The following SYT14 variants were observed in gnomAD, a reference collection of about 807,000 sequenced individuals.
SYT14 encodes synaptotagmin-14.
Under a neutral mutation model 74.2 loss-of-function variants are expected in SYT14, and 32 were observed. That is an observed-to-expected ratio of 0.43 (90% CI 0.33 to 0.58). The LOEUF (loss-of-function observed/expected upper bound fraction) is 0.58, where lower values mean the gene tolerates loss of function less well. SYT14 is among the 20% of genes least tolerant of loss of function. The pLI, the probability that SYT14 is intolerant of heterozygous loss-of-function variation, is 0.05. For synonymous variants in SYT14, 298 were observed against 337.7 expected (o/e 0.88, Z 1.29); for missense variants, 791 against 981.8 (o/e 0.81, Z 2.60).
intron 7 of SYT14, among the ~76,000 whole-genome samples, chr1:210,108,476 GT>G (rs2082199171): frequency 6.6e-6 from 1 of 152,184 alleles, no homozygotes; most frequent in Non-Finnish European, 1.5e-5. Context: ...CCAAACGAGA[GT>G]GGCAGTCATT....
At chr1:209,946,840 A>C (rs1210774606) in intron 1 of SYT14, among the ~76,000 whole-genome samples, 1 of 152,216 alleles carries the variant, frequency 6.6e-6, no homozygotes, top group Non-Finnish European at 1.5e-5. Flanking sequence ...TCAAAGCTTC[A>C]AAGGACAGGC....
rs536305915 is a variant in SYT14, at chr1:210,019,186, G to T, written c.1097-1853G>T. ...AGGGTTTTCTTCTTTATTTCTAAATGTAGGTTATGTTAGGTAATGTTTTTT... is the reference window on the plus strand; with the variant it reads ...AGGGTTTTCTTCTTTATTTCTAAATTTAGGTTATGTTAGGTAATGTTTTTT... On this transcript the variant is annotated intron_variant, in intron 4 of 9. Coordinates refer to ENST00000637265, the Ensembl canonical transcript of SYT14. Among the ~76,000 whole-genome samples, 3 of 144,744 alleles carry T rather than the reference G, an allele frequency of 2.1e-5. No homozygotes were observed. The Admixed American group carries it at 2.1e-4, about 10-fold the overall frequency. The allele number at this position is 144,744 out of a possible 152,430, so 95.0% of individuals were successfully genotyped here.
At chr1:210,041,538 A>G (rs1053003757) in intron 5 of SYT14, among the ~76,000 whole-genome samples, 2 of 152,206 alleles carry the variant, frequency 1.3e-5, no homozygotes, top group African/African-American at 2.4e-5. Context: ...CTTAATATTA[A>G]TAACTGTTAC....
intron 2 of SYT14, chr1:209,966,031 C>T (rs948524728): frequency 7.2e-6 from 3 of 418,240 alleles, no homozygotes; most frequent in Non-Finnish European, 1.4e-5. Flanking sequence ...CCCACCACAC[C>T]CAGCTAATTT....
intron 2 of SYT14, among the ~76,000 whole-genome samples, chr1:209,994,504 A>G (rs1452615621): frequency 3.3e-5 from 5 of 152,310 alleles, no homozygotes; most frequent in African/African-American, 1.2e-4. Context: ...AAAGTGATTA[A>G]ATCTAAGACT....
At chr1:210,129,946 T>C (rs1416937403) in intron 7 of SYT14, among the ~76,000 whole-genome samples, 3 of 152,198 alleles carry the variant, frequency 2.0e-5, no homozygotes, top group African/African-American at 7.2e-5. Context: ...CAAAACTGCA[T>C]CAATTGTCAT....
intron 5 of SYT14, among the ~76,000 whole-genome samples, chr1:210,032,635 C>G (rs2080565341): frequency 7.0e-6 from 1 of 141,906 alleles, no homozygotes; most frequent in Non-Finnish European, 1.5e-5. Flanking sequence ...ATTAAAGTGA[C>G]TCTGACTCTA....
intron 2 of SYT14, among the ~76,000 whole-genome samples, chr1:209,977,812 G>T (rs1381924385): frequency 6.6e-6 from 1 of 152,126 alleles, no homozygotes; most frequent in African/African-American, 2.4e-5. Context: ...TTCCAACTTG[G>T]TTCCATTCTC....
intron 7 of SYT14, among the ~76,000 whole-genome samples, chr1:210,118,086 T>C (rs1202806815): frequency 6.6e-6 from 1 of 152,204 alleles, no homozygotes; most frequent in Non-Finnish European, 1.5e-5. Flanking sequence ...ATACCAACTT[T>C]AGTTGTTTGT....
intron 1 of SYT14, among the ~76,000 whole-genome samples, chr1:209,951,738 C>A (rs1343690584): frequency 1.3e-5 from 2 of 151,958 alleles, no homozygotes; most frequent in Non-Finnish European, 2.9e-5. Flanking sequence ...GAAATTTATG[C>A]ATATGTATGC....
intron 1 of SYT14, among the ~76,000 whole-genome samples, chr1:209,944,249 T>C (rs566846439): frequency 6.6e-6 from 1 of 152,348 alleles, no homozygotes; most frequent in East Asian, 1.9e-4. Context: ...GTAGAATTTT[T>C]TGTGAGCACA....
chr1:210,143,645 G>A (rs1347129832), intron 7 of SYT14, among the ~76,000 whole-genome samples: 2 of 152,144 alleles, frequency 1.3e-5, no homozygotes, highest in Non-Finnish European at 2.9e-5. Flanking sequence ...AAAATATTTT[G>A]GAGAAACTGG....
At chr1:210,125,314 AT>A (rs1572345013) in intron 7 of SYT14, among the ~76,000 whole-genome samples, 1 of 146,062 alleles carries the variant, frequency 6.8e-6, no homozygotes. Context: ...TATGGATTTG[AT>A]TTTCTGTTTC....
chr1:210,044,758 G>T (rs2080854517), intron 5 of SYT14, among the ~76,000 whole-genome samples: 1 of 152,140 alleles, frequency 6.6e-6, no homozygotes, highest in Non-Finnish European at 1.5e-5. Context: ...AAGTTCAATT[G>T]GCTTACAGCT....
At chr1:210,158,996 A>G (rs896840214) in intron 8 of SYT14, among the ~76,000 whole-genome samples, 2 of 152,096 alleles carry the variant, frequency 1.3e-5, no homozygotes, top group African/African-American at 2.4e-5. Context: ...TAATTTGTAT[A>G]TATTGGGAAT....
chr1:209,938,652 C>CG (rs1184763233), intron 1 of SYT14, among the ~76,000 whole-genome samples: 1 of 152,088 alleles, frequency 6.6e-6, no homozygotes, highest in Non-Finnish European at 1.5e-5. Context: ...CGAGGGGCCA[C>CG]GGGGGGCTCA....
At position 210,065,541 on chromosome 1, in the gene SYT14, CT is replaced by C. The variant is rs199860631; in HGVS notation, c.1313-28771del. On this transcript the variant is annotated intron_variant, in intron 5 of 9. Transcript: ENST00000637265. ...ATAAATTACCCAGTCTCAGGTATGT[CT>C]TTTTTTTTTAAGTTTTATTTAAATT... is the stretch of plus-strand genomic sequence containing the variant. Among the ~76,000 whole-genome samples the C allele has an allele frequency of 1.3e-3, 190 of 146,890 alleles. 2 individuals are homozygous for C. Among genetic ancestry groups the C allele is most frequent in the East Asian group, 5.4e-3 (27 of 5,000 alleles).
intron 8 of SYT14, among the ~76,000 whole-genome samples, chr1:210,158,266 G>C (rs1219025157): frequency 6.6e-6 from 1 of 152,146 alleles, no homozygotes; most frequent in Non-Finnish European, 1.5e-5. Flanking sequence ...TAACTGAAAT[G>C]AGTAAAACTC....
chr1:210,122,691 C>A (rs757600477), intron 7 of SYT14, among the ~76,000 whole-genome samples: 1 of 151,804 alleles, frequency 6.6e-6, no homozygotes, highest in Non-Finnish European at 1.5e-5. Context: ...ATGCCACATT[C>A]AGTTTGCCTC....
Sources: allele counts gnomAD v4.1 joint callset (sites outside exome capture counted in the v4.1 genomes callset), GRCh38; gene constraint gnomAD v4.1.1; transcripts MANE v1.5; gene names NCBI Gene and HGNC (gene_info 2026-07-23, HGNC 2026-07-21).